Variants in SPATA16 observed in about 807,000 individuals in gnomAD.
The protein encoded by SPATA16 is spermatogenesis associated 16, also known as spermatogenesis-associated protein 16.
SPATA16 carries 36 observed loss-of-function variants against 63.3 expected under a neutral mutation model. The ratio of observed to expected loss-of-function variants is 0.57; its 90% confidence interval spans 0.44 to 0.75. The LOEUF (loss-of-function observed/expected upper bound fraction) is 0.75. SPATA16 is among the 30% of genes least tolerant of loss of function. The pLI is 0.00. For missense variants in SPATA16, 646 were observed against 679.3 expected (o/e 0.95, Z 0.54); for synonymous variants, 203 against 216.7 (o/e 0.94, Z 0.56).
Position 173,083,841 on chromosome 3 carries a change from A to G in SPATA16, c.612+33279T>C, listed in dbSNP as rs1224397110. Among the ~76,000 whole-genome samples the G allele has an allele frequency of 2.0e-5, 3 of 152,224 alleles. No homozygotes were observed. The East Asian group carries it at 5.8e-4, about 29-fold the overall frequency. The stretch of plus-strand genomic sequence containing the variant: ...ATCTCATTCCTTTTTACGACTGCAT[A>G]GTATTCCATCATATATATGTACCAC... On this transcript the variant is annotated intron_variant, in intron 2 of 10. Coordinates refer to ENST00000351008, the MANE Select transcript of SPATA16 (RefSeq NM_031955.6).
chr3:172,973,357 A>G (rs1273669904), intron 5 of SPATA16, among the ~76,000 whole-genome samples: 1 of 152,148 alleles, frequency 6.6e-6, no homozygotes, highest in South Asian at 2.1e-4. Context: ...ACATAAAAAT[A>G]AAAAAAGAAC....
intron 3 of SPATA16, among the ~76,000 whole-genome samples, chr3:173,023,100 C>G (rs1735371445): frequency 6.7e-6 from 1 of 149,336 alleles, no homozygotes; most frequent in Non-Finnish European, 1.5e-5. Context: ...TAAAATTTAT[C>G]TTTTTTATTA....
intron 2 of SPATA16, among the ~76,000 whole-genome samples, chr3:173,064,726 C>T (rs1039980184): frequency 6.6e-6 from 1 of 152,086 alleles, no homozygotes; most frequent in Non-Finnish European, 1.5e-5. Flanking sequence ...ACTGTGCAAG[C>T]ATATTAAAAG....
intron 4 of SPATA16, among the ~76,000 whole-genome samples, chr3:173,011,066 A>T (rs753236874): frequency 6.6e-6 from 1 of 152,168 alleles, no homozygotes; most frequent in African/African-American, 2.4e-5. Context: ...AGGAGGAGGG[A>T]CTTCTCTCTA....
At chr3:173,118,973 G>A (rs932830595) in intron 1 of SPATA16, among the ~76,000 whole-genome samples, 5 of 152,176 alleles carry the variant, frequency 3.3e-5, no homozygotes, top group South Asian at 2.1e-4. Flanking sequence ...GATAAAAATC[G>A]TGAGTCACTT....
At chr3:173,088,802 C>T (rs1737150441) in intron 2 of SPATA16, among the ~76,000 whole-genome samples, 1 of 152,180 alleles carries the variant, frequency 6.6e-6, no homozygotes, top group Admixed American at 6.5e-5. Flanking sequence ...TTTACTCACT[C>T]AACAAATGTT....
intron 2 of SPATA16, among the ~76,000 whole-genome samples, chr3:173,090,875 C>T (rs7619977): frequency 0.029 from 4,419 of 152,202 alleles, 193 homozygotes; most frequent in African/African-American, 0.1. Flanking sequence ...GGCAAGATTG[C>T]ATGTAATCAC....
Position 172,987,181 on chromosome 3 carries a change from T to C in SPATA16, c.849-10129A>G, listed in dbSNP as rs952967427. Among the ~76,000 whole-genome samples, 3 of 152,166 alleles carry C rather than the reference T, an allele frequency of 2.0e-5. No individual in the cohort carries two copies. The East Asian group carries it at 5.8e-4, about 29-fold the overall frequency. ...ATCTGATGCTCAAGGAAACCATAAA[T>C]GATAAAAGGATAATGGGCTCGGCCT... is the stretch of plus-strand genomic sequence containing the variant. On this transcript the variant is annotated intron_variant, in intron 4 of 10. Transcript: ENST00000351008.
chr3:172,946,447 A>G (rs541680855), intron 6 of SPATA16, among the ~76,000 whole-genome samples: 1 of 68,868 alleles, frequency 1.5e-5, no homozygotes, highest in Admixed American at 1.8e-4. Flanking sequence ...GCCCTGGGCC[A>G]AAGGGAAGCC....
In SPATA16 at chr3:172,949,387, G is replaced by T. The variant is rs567164286; in HGVS notation, c.1081+7290C>A. Among the ~76,000 whole-genome samples the T allele has an allele frequency of 9.2e-5, 14 of 152,208 alleles. No homozygotes were observed. In the South Asian group the frequency reaches 2.9e-3, roughly 32 times the overall value. On this transcript the variant is annotated intron_variant, in intron 6 of 10. Coordinates refer to ENST00000351008, the MANE Select transcript of SPATA16 (RefSeq NM_031955.6). ...ATTAGAGGAGAAATAAATAGGATTT[G>T]AATGCTGAATATACAAAGAAAAAAC... is the stretch of plus-strand genomic sequence containing the variant.
chr3:173,056,108 G>A (rs1289459849), intron 2 of SPATA16, among the ~76,000 whole-genome samples: 4 of 152,128 alleles, frequency 2.6e-5, no homozygotes, highest in African/African-American at 9.7e-5. Context: ...AACTCATAAT[G>A]AGGTTTGTTT....
chr3:172,928,888 A>G (rs1018129977), intron 6 of SPATA16, among the ~76,000 whole-genome samples: 83 of 152,102 alleles, frequency 5.5e-4, no homozygotes, highest in African/African-American at 2.0e-3. Context: ...TGCAGGGTAA[A>G]TTGCTGTTGT....
chr3:172,940,857 C>A (rs1733129589), intron 6 of SPATA16, among the ~76,000 whole-genome samples: 1 of 152,058 alleles, frequency 6.6e-6, no homozygotes, highest in Non-Finnish European at 1.5e-5. Context: ...GTGGCACGTG[C>A]CTGTAATCAC....
chr3:172,952,221 G>A (rs1354629375), intron 6 of SPATA16, among the ~76,000 whole-genome samples: 1 of 152,132 alleles, frequency 6.6e-6, no homozygotes, highest in Non-Finnish European at 1.5e-5. Flanking sequence ...GTGTTTATTT[G>A]ATCGAGTTAG....
intron 10 of SPATA16, among the ~76,000 whole-genome samples, chr3:172,893,822 C>G (rs1487728706): frequency 6.6e-6 from 1 of 152,180 alleles, no homozygotes; most frequent in Non-Finnish European, 1.5e-5. Context: ...AAGGAAGATG[C>G]TGGGCTTGAA....
At chr3:172,923,592 T>C (rs1560067966) in intron 8 of SPATA16, among the ~76,000 whole-genome samples, 2 of 152,232 alleles carry the variant, frequency 1.3e-5, no homozygotes, top group Non-Finnish European at 2.9e-5. Flanking sequence ...AGAAGTTCTC[T>C]TTATATACTT....
chr3:173,083,051 A>T (rs573854143), intron 2 of SPATA16, among the ~76,000 whole-genome samples: 1 of 152,142 alleles, frequency 6.6e-6, no homozygotes. Flanking sequence ...TAAAGTACAT[A>T]TGCAACATTT....
chr3:173,092,226 T>C (rs1044962065), intron 2 of SPATA16, among the ~76,000 whole-genome samples: 2 of 152,190 alleles, frequency 1.3e-5, no homozygotes, highest in East Asian at 3.9e-4. Flanking sequence ...TCTGGCAAGC[T>C]ATTTTGTCAG....
chr3:172,923,053 G>T (rs1042166382), intron 8 of SPATA16, among the ~76,000 whole-genome samples: 1 of 152,238 alleles, frequency 6.6e-6, no homozygotes, highest in Non-Finnish European at 1.5e-5. Flanking sequence ...GGCTAGCCAT[G>T]CACGGATGAG....
Sources: allele counts gnomAD v4.1 joint callset (sites outside exome capture counted in the v4.1 genomes callset), GRCh38; gene constraint gnomAD v4.1.1; transcripts MANE v1.5; gene names NCBI Gene and HGNC (gene_info 2026-07-23, HGNC 2026-07-21).